GTPBP1: variants seen among roughly 807,000 people sequenced by gnomAD.
GTPBP1 encodes GTP binding protein 1, also known as GTP-binding protein 1.
In GTPBP1, 23 loss-of-function variants were observed where a neutral mutation model predicts 62.0. The ratio of observed to expected loss-of-function variants is 0.37; its 90% CI spans 0.27 to 0.53. The LOEUF (loss-of-function observed/expected upper bound fraction) is 0.53. Among genes scored for constraint, GTPBP1 ranks in the 20% least tolerant of loss-of-function variants. GTPBP1 has a pLI of 0.89. For synonymous variants in GTPBP1, 344 were observed against 364.4 expected (o/e 0.94, Z 0.64); for missense variants, 640 against 917.3 (o/e 0.70, Z 3.90).
chr22:38,729,527 GA>G lies in GTPBP1; in HGVS notation c.1787del (p.Lys596ArgfsTer4). The G allele has an allele frequency of 1.2e-6, 2 of 1,609,676 alleles. No individual in the cohort carries two copies. The highest frequency in any genetic ancestry group is 2.3e-5 in the East Asian group (1 of 44,216). ...CGCAGCAGATTAAAATGCAGTCGAC[GA>G]AAAAGGGCCCCCTGACGAAACGAGA... is the stretch of plus-strand genomic sequence containing the variant. ...KPQQIKMQSTKKGPLTKRDEG... is the reference protein window; with the variant it reads ...KPQQIKMQSTXKGPLTKRDEG... On this transcript the variant is annotated frameshift_variant, in exon 11 of 12. Coordinates refer to ENST00000216044, the MANE Select transcript of GTPBP1 (RefSeq NM_004286.5). LOFTEE classifies it high-confidence loss of function.
downstream of GTPBP1, chr22:38,735,326 C>A (rs772949903): frequency 2.5e-5 from 11 of 436,872 alleles, no homozygotes; most frequent in Non-Finnish European, 5.0e-5. Context: ...ATGTGGGGGC[C>A]GGTGCAGACA....
chr22:38,737,706 C>G, downstream of GTPBP1: 9 of 358,444 alleles, frequency 2.5e-5, no homozygotes, highest in South Asian at 1.9e-4. The surrounding 1 kb of genome is among the most constrained non-coding windows in gnomAD (Gnocchi z 4.1). Flanking sequence ...TGGGTCCTGT[C>G]AGCCCTAAGG....
At chr22:38,722,629 C>T (rs553308411) in intron 5 of GTPBP1, 12 of 1,362,106 alleles carry the variant, frequency 8.8e-6, no homozygotes, top group Admixed American at 4.6e-5. Flanking sequence ...TTTATGAGTA[C>T]AAGCATAATT....
chr22:38,730,821 A>C lies in GTPBP1; in HGVS notation c.*117A>C. 1 of 601,782 alleles carries C rather than the reference A, an allele frequency of 1.7e-6. No homozygotes were observed. The allele number at this position is 601,782 out of a possible 1,614,324, so 37.3% of individuals were successfully genotyped here. ...GCCCTCCCGCTCAGGCCACAGCCGG[A>C]GCCTCCGCATTGCCCCCACCCCCAT... On this transcript the variant is annotated 3_prime_UTR_variant, in exon 12 of 12. Transcript: ENST00000216044. The surrounding 1 kb of genome is among the most constrained non-coding windows in gnomAD (Gnocchi z 5.6).
intron 5 of GTPBP1, chr22:38,722,889 C>T (rs2092708048): frequency 3.1e-6 from 4 of 1,285,780 alleles, no homozygotes; most frequent in Non-Finnish European, 4.5e-6. Context: ...TTCTTCCACG[C>T]TTCGGCCCAC....
At chr22:38,740,025 G>A, downstream of GTPBP1, 1 of 1,470,130 alleles carries the variant, frequency 6.8e-7, no homozygotes, top group Non-Finnish European at 9.3e-7. The surrounding 1 kb of genome is among the most constrained non-coding windows in gnomAD (Gnocchi z 4.8). Context: ...TGCTTAGCTG[G>A]ATAGCAGGGA....
chr22:38,724,157 G>A, intron 5 of GTPBP1, 140 bp from the exon 6 acceptor site: 1 of 607,474 alleles, frequency 1.6e-6, no homozygotes, highest in South Asian at 2.0e-5. Context: ...TGCTTCTCCA[G>A]GCATTGTGGC....
intron 1 of GTPBP1, among the ~76,000 whole-genome samples, chr22:38,707,941 G>C (rs1329095414): frequency 6.6e-6 from 1 of 152,204 alleles, no homozygotes; most frequent in Non-Finnish European, 1.5e-5. Context: ...GGCTCCGAGA[G>C]CTTCCAAAGG....
At chr22:38,715,394 C>T (rs557215660) in intron 2 of GTPBP1, among the ~76,000 whole-genome samples, 92 of 152,310 alleles carry the variant, frequency 6.0e-4, no homozygotes, top group African/African-American at 2.0e-3. Flanking sequence ...TGATCTGCCA[C>T]GCCACGCTTT....
At chr22:38,717,061 T>C (rs778967391) in intron 4 of GTPBP1, 61 bp downstream of exon 4, 11 of 1,032,388 alleles carry the variant, frequency 1.1e-5, no homozygotes, top group Non-Finnish European at 1.6e-5. Context: ...TCTGGTTATG[T>C]GCAAGTCTGA....
intron 4 of GTPBP1, among the ~76,000 whole-genome samples, chr22:38,719,929 CTT>C (rs374928496): frequency 8.1e-5 from 11 of 135,762 alleles, no homozygotes; most frequent in Non-Finnish European, 1.1e-4. Flanking sequence ...TTCTTTCTTT[CTT>C]TTTTTTTTTT....
At position 38,716,701 on chromosome 22, in the gene GTPBP1, G is replaced by A; in HGVS notation, c.535G>A (p.Val179Ile). ...VDAGKSTLLG[V>I]LTHGELDNGR... is the part of the protein sequence containing the mutation. Reference sequence around the variant, plus strand: ...TGCTGGCAAAAGCACGCTTCTGGGGGTCCTGACACATGGGGAGCTGGACAA... The same window carrying A: ...TGCTGGCAAAAGCACGCTTCTGGGGATCCTGACACATGGGGAGCTGGACAA... The change falls in exon 4 of 12, where the codon GTC becomes ATC. Residue 179 changes from valine (V) to isoleucine (I), a missense_variant. Val to Ile is a conservative substitution (Grantham distance 29). Transcript: ENST00000216044. This position sits in a 1 kb window ranked among gnomAD's most constrained non-coding sequence, Gnocchi z 5.2. 1 of 1,614,184 alleles carries A rather than the reference G, an allele frequency of 6.2e-7. No homozygotes were observed. Among genetic ancestry groups the A allele is most frequent in the Non-Finnish European group, 8.5e-7 (1 of 1,180,026 alleles).
Position 38,706,018 on chromosome 22 carries a change from C to A in GTPBP1, c.63C>A (p.Pro21=). The change falls in exon 1 of 12, where the codon CCC becomes CCA. Residue 21 remains proline, a synonymous_variant. Coordinates refer to ENST00000216044, the MANE Select transcript of GTPBP1 (RefSeq NM_004286.5). The part of the protein sequence containing the change: ...DSPVPASMFA[P]EPSSPGAARA... Reference sequence around the variant, plus strand: ...CGGTCCCGGCCTCTATGTTCGCCCCCGAGCCCAGCTCCCCGGGGGCGGCCA... The same window carrying A: ...CGGTCCCGGCCTCTATGTTCGCCCCAGAGCCCAGCTCCCCGGGGGCGGCCA... The A allele has an allele frequency of 7.0e-7, 1 of 1,435,082 alleles. No homozygotes were observed. Among genetic ancestry groups the A allele is most frequent in the Non-Finnish European group, 9.1e-7 (1 of 1,094,314 alleles). 88.9% of individuals were successfully genotyped at this position (1,435,082 alleles called of 1,614,324 possible). A position where few individuals can be genotyped will look rare whatever the true frequency, so the allele number is the denominator to read the frequency against.
At chr22:38,712,393 G>C (rs62228766) in intron 2 of GTPBP1, among the ~76,000 whole-genome samples, 1,879 of 152,278 alleles carry the variant, frequency 0.012, 20 homozygotes, top group Middle Eastern at 0.02. Context: ...ATGAGGTCCT[G>C]AGTGGTAGGA....
At chr22:38,707,109 A>G (rs1028676916) in intron 1 of GTPBP1, among the ~76,000 whole-genome samples, 1 of 152,202 alleles carries the variant, frequency 6.6e-6, no homozygotes, top group African/African-American at 2.4e-5. Flanking sequence ...TAAAAATTAG[A>G]AATATTTAAG....
chr22:38,726,769 G>A lies in GTPBP1; in HGVS notation c.1401+329G>A, dbSNP rs564277399. ...TCTACATAGGACCATTGGGATCTGCGCCACATCCTCTTCCCATTCAGCCTT... is the reference window on the plus strand; with the variant it reads ...TCTACATAGGACCATTGGGATCTGCACCACATCCTCTTCCCATTCAGCCTT... On this transcript the variant is annotated intron_variant, in intron 8 of 11. Transcript: ENST00000216044. The surrounding 1 kb of genome is among the most constrained non-coding windows in gnomAD (Gnocchi z 4.1). Among the ~76,000 whole-genome samples the A allele has an allele frequency of 7.6e-4, 115 of 152,276 alleles. No homozygotes were observed. The highest frequency in any genetic ancestry group is 2.5e-3 in the African/African-American group (102 of 41,554).
At chr22:38,717,342 T>C (rs1438826316) in intron 4 of GTPBP1, among the ~76,000 whole-genome samples, 1 of 152,204 alleles carries the variant, frequency 6.6e-6, no homozygotes, top group East Asian at 1.9e-4. Flanking sequence ...ATTGGGCTAC[T>C]TTGAGGAGGT....
chr22:38,727,459 C>T lies in GTPBP1; in HGVS notation c.1537+111C>T. 9.5e-7 allele frequency: 1 copy of T among 1,057,622 alleles called. No individual in the cohort carries two copies. The highest frequency in any genetic ancestry group is 1.3e-6 in the Non-Finnish European group (1 of 744,850). 65.5% of individuals were successfully genotyped at this position (1,057,622 alleles called of 1,614,324 possible). A position where few individuals can be genotyped will look rare whatever the true frequency, so the allele number is the denominator to read the frequency against. ...CCAGCTGCAGCTGGGTGGTAGGCCT[C>T]CTTCCTGTTTAGTGATGCCGTTCCT... On this transcript the variant is annotated intron_variant, in intron 9 of 11. Transcript: ENST00000216044. This position sits in a 1 kb window ranked among gnomAD's most constrained non-coding sequence, Gnocchi z 6.5.
downstream of GTPBP1, chr22:38,742,521 A>G: frequency 1.2e-6 from 2 of 1,613,162 alleles, no homozygotes; most frequent in Middle Eastern, 1.6e-4. Context: ...ACGCCGCTCC[A>G]GAGAGTGTAC....
Sources: gnomAD v4.1 joint callset for allele counts (sites outside exome capture counted in the v4.1 genomes callset) on GRCh38, gnomAD v4.1.1 for gene constraint, Gnocchi (gnomAD v3.1) non-coding constraint, MANE v1.5 for transcripts, NCBI Gene and HGNC (gene_info 2026-07-23, HGNC 2026-07-21) for gene names.